Variants in INTS3 observed in about 807,000 individuals in gnomAD.
INTS3 encodes the protein SOSS complex subunit A.
Under a neutral mutation model 146.3 loss-of-function variants are expected in INTS3, and 34 were observed. The ratio of observed to expected loss-of-function variants is 0.23; its 90% confidence interval spans 0.18 to 0.31. The LOEUF (loss-of-function observed/expected upper bound fraction) is 0.31. Among genes scored for constraint, INTS3 ranks in the 10% least tolerant of loss-of-function variants. The probability of loss-of-function intolerance (pLI) is 1.00; values close to 1 mark genes in which losing one functional copy is unlikely to be tolerated. For synonymous variants in INTS3, 475 were observed against 494.9 expected, an observed-to-expected ratio of 0.96 and a Z score of 0.53; for missense variants, 757 against 1,304.2, an observed-to-expected ratio of 0.58 and a Z score of 6.46.
intron 15 of INTS3, 95 bp downstream of exon 15, chr1:153,762,942 A>G: frequency 6.7e-7 from 1 of 1,493,544 alleles, no homozygotes; most frequent in Non-Finnish European, 9.1e-7. Context: ...TGTCACCCTT[A>G]TTCCTGTGAG....
chr1:153,770,211 C>G lies in INTS3; in HGVS notation c.2403C>G (p.Asp801Glu), dbSNP rs1241203281. 2 of 1,609,048 alleles carry G rather than the reference C, an allele frequency of 1.2e-6. No homozygotes were observed. The highest frequency in any genetic ancestry group is 3.3e-5 in the Admixed American group (2 of 59,932). Residue 801 changes from aspartate to glutamate, a missense_variant, in exon 24 of 30, where the codon GAC becomes GAG. Around this residue, in one of 8 missense-constraint regions of INTS3, gnomAD observed 116 missense variants for 226.5 expected, o/e 0.51. Transcript: ENST00000318967. ...TGTCTCTTCCAGTTCAGAGCCTAGA[C>G]TGGGAGACCTTTGAGCAGTATTGTG... ...SVLNILIQSL[D>E]WETFEQYCAW...
intron 21 of INTS3, 73 bp from the exon 22 acceptor site, chr1:153,768,820 G>T (rs1672700706): frequency 1.7e-6 from 2 of 1,169,728 alleles, no homozygotes. Context: ...GATGTAATAA[G>T]GAAGGAGAGT....
chr1:153,767,893 G>A, intron 21 of INTS3, 66 bp downstream of exon 21: 5 of 1,483,474 alleles, frequency 3.4e-6, no homozygotes, highest in Non-Finnish European at 4.5e-6. Context: ...AACACTCTGA[G>A]TACACACAAC....
At chr1:153,764,554 C>A in intron 18 of INTS3, 136 bp from the exon 19 acceptor site, 2 of 778,636 alleles carry the variant, frequency 2.6e-6, no homozygotes, top group South Asian at 1.4e-5. Context: ...TTCTCTGTTA[C>A]CAAGCCTGCG....
chr1:153,765,119 C>T (rs1672528205), intron 20 of INTS3, 56 bp downstream of exon 20: 2 of 1,591,770 alleles, frequency 1.3e-6, no homozygotes, highest in East Asian at 4.5e-5. Context: ...GAGAGCCTCT[C>T]TTCCACACGC....
chr1:153,741,703 T>C lies in INTS3; in HGVS notation c.318+335T>C, dbSNP rs147428843. Among the ~76,000 whole-genome samples, 485 of 152,328 alleles carry C rather than the reference T, an allele frequency of 3.2e-3. 8 individuals are homozygous for C. Among genetic ancestry groups the C allele is most frequent in the African/African-American group, 0.011 (464 of 41,564 alleles). The stretch of plus-strand genomic sequence containing the variant: ...GTAACCAAGTCCATGAGAGTTCTTA[T>C]CCAGAAGAGCATGGCCTGTAGTTTG... On this transcript the variant is annotated intron_variant, in intron 3 of 29. Transcript: ENST00000318967.
In INTS3 at chr1:153,767,808, C is replaced by T. The variant is rs747775729; in HGVS notation, c.2225C>T (p.Thr742Met). The T allele has an allele frequency of 1.2e-6, 2 of 1,602,654 alleles. No individual in the cohort carries two copies. Among genetic ancestry groups the T allele is most frequent in the Admixed American group, 1.7e-5 (1 of 59,140 alleles). The stretch of plus-strand genomic sequence containing the variant: ...GATGTGCGGCTCCTGTGCCACCTCA[C>T]GCCCTCCATCTACACAGAGGTCAGT... ...EDDVRLLCHL[T>M]PSIYTEFPDE... is the part of the protein sequence containing the mutation. The change falls in exon 21 of 30, where the codon ACG becomes ATG. Residue 742 changes from threonine to methionine, a missense_variant. By Grantham distance (81) the Thr-to-Met change is moderately conservative. This residue lies in a region of INTS3 where 116 missense variants were observed against 226.5 expected (regional missense o/e 0.51). Coordinates refer to ENST00000318967, the MANE Select transcript of INTS3 (RefSeq NM_023015.5).
chr1:153,758,389 G>T (rs992352974), intron 10 of INTS3, among the ~76,000 whole-genome samples: 1 of 152,200 alleles, frequency 6.6e-6, no homozygotes, highest in African/African-American at 2.4e-5. Context: ...TGCCTGGAGA[G>T]CCCAGAAAGG....
At chr1:153,758,778 A>G (rs1380435003) in intron 10 of INTS3, among the ~76,000 whole-genome samples, 2 of 151,152 alleles carry the variant, frequency 1.3e-5, no homozygotes, top group Non-Finnish European at 2.9e-5. Flanking sequence ...AGCCTGGGTG[A>G]CAGAGTCAGA....
chr1:153,731,577 C>CTT (rs1491428244), intron 1 of INTS3, among the ~76,000 whole-genome samples: 2,817 of 128,594 alleles, frequency 0.022, 192 homozygotes, highest in South Asian at 0.038. Context: ...CAAGAGCGTC[C>CTT]TCTTTTTTTT....
Position 153,728,717 on chromosome 1 carries a change from C to G in INTS3, c.83C>G (p.Ala28Gly). The change falls in exon 1 of 30, where the codon GCA becomes GGA. Residue 28 changes from alanine (A) to glycine (G), a missense_variant. By Grantham distance (60) the Ala-to-Gly change is moderately conservative. Transcript: ENST00000318967. ...GGAGGTGGAGGAGGAGGAGCGGGAG[C>G]AGGAGCCCCAGGAGGGGGGAGGCTG... ...AAGGGGGGAGAGAPGGGRLLL... is the reference protein window; with the variant it reads ...AAGGGGGGAGGGAPGGGRLLL... The G allele has an allele frequency of 6.2e-7, 1 of 1,609,006 alleles. No homozygotes were observed. Among genetic ancestry groups the G allele is most frequent in the Non-Finnish European group, 8.5e-7 (1 of 1,177,514 alleles).
intron 1 of INTS3, among the ~76,000 whole-genome samples, chr1:153,729,865 C>CAA (rs59539957): frequency 0.01 from 1,288 of 127,542 alleles, 26 homozygotes; most frequent in African/African-American, 0.023. Flanking sequence ...GACCCCGTCT[C>CAA]AAAAAAAAAA....
In INTS3 at chr1:153,757,517, G is replaced by T. The variant is rs2101812070; in HGVS notation, c.958-55G>T. 1 of 1,526,068 alleles carries T rather than the reference G, an allele frequency of 6.6e-7. No individual in the cohort carries two copies. The highest frequency in any genetic ancestry group is 2.3e-5 in the East Asian group (1 of 44,078). 94.5% of individuals were successfully genotyped at this position (1,526,068 alleles called of 1,614,324 possible). On this transcript the variant is annotated intron_variant, in intron 9 of 29. Coordinates refer to ENST00000318967, the MANE Select transcript of INTS3 (RefSeq NM_023015.5). This position sits in a 1 kb window ranked among gnomAD's most constrained non-coding sequence, Gnocchi z 4.0. Reference sequence around the variant, plus strand: ...GTTAAGTGGTGCTCGTTTTCCTCTGGCCAAGGACCCCACACTGTCTTCTAA... The same window carrying T: ...GTTAAGTGGTGCTCGTTTTCCTCTGTCCAAGGACCCCACACTGTCTTCTAA...
chr1:153,747,111 G>C, intron 4 of INTS3, 41 bp downstream of exon 4: 2 of 1,454,604 alleles, frequency 1.4e-6, no homozygotes, highest in Non-Finnish European at 9.6e-7. Flanking sequence ...CTCAAAGAGA[G>C]AGGATGGATC....
At chr1:153,765,299 C>A (rs552033329) in intron 20 of INTS3, among the ~76,000 whole-genome samples, 2 of 152,192 alleles carry the variant, frequency 1.3e-5, no homozygotes, top group Admixed American at 6.5e-5. Flanking sequence ...CATCCTCCCC[C>A]CTCAGCATCC....
intron 24 of INTS3, 52 bp from the exon 25 acceptor site, chr1:153,770,633 C>A: frequency 6.7e-7 from 1 of 1,499,510 alleles, no homozygotes; most frequent in Non-Finnish European, 9.3e-7. Flanking sequence ...TCCCCAGATT[C>A]CATCCTGGAA....
At chr1:153,769,071 A>C in intron 22 of INTS3, 110 bp downstream of exon 22, 1 of 851,238 alleles carries the variant, frequency 1.2e-6, no homozygotes, top group Non-Finnish European at 1.9e-6. Flanking sequence ...CCTCCCAGGC[A>C]CCCTCCCTCC....
intron 1 of INTS3, among the ~76,000 whole-genome samples, chr1:153,735,372 T>A (rs1557987462): frequency 6.6e-6 from 1 of 152,236 alleles, no homozygotes; most frequent in Non-Finnish European, 1.5e-5. Flanking sequence ...AGAGGCATTA[T>A]CTCTGTTTTG....
intron 11 of INTS3, chr1:153,759,859 G>T: frequency 1.8e-6 from 1 of 553,872 alleles, no homozygotes; most frequent in Non-Finnish European, 3.2e-6. Context: ...GGGAGGGCAT[G>T]GGCAAAGGAA....
Sources: allele counts gnomAD v4.1 joint callset (sites outside exome capture counted in the v4.1 genomes callset), GRCh38; gene constraint gnomAD v4.1.1; regional missense constraint gnomAD v4.1.1; non-coding constraint Gnocchi (gnomAD v3.1); transcripts MANE v1.5; gene names NCBI Gene and HGNC (gene_info 2026-07-23, HGNC 2026-07-21).